Variants in GRIN2A observed in about 807,000 individuals in gnomAD.
GRIN2A encodes glutamate ionotropic receptor NMDA type subunit 2A, also known as glutamate receptor ionotropic, NMDA 2A.
A neutral mutation model predicts 113.4 loss-of-function variants in GRIN2A; 22 were observed. The observed-to-expected ratio is 0.19, with a 90% CI of 0.14 to 0.28. The LOEUF (loss-of-function observed/expected upper bound fraction) is 0.28. GRIN2A is among the 10% of genes least tolerant of loss of function. GRIN2A has a pLI of 1.00. For missense variants in GRIN2A, 1,502 were observed against 1,887.0 expected (o/e 0.80, Z 3.78); for synonymous variants, 827 against 738.4 (o/e 1.12, Z -1.94).
At chr16:9,865,450 G>A (rs895724087) in intron 4 of GRIN2A, among the ~76,000 whole-genome samples, 3 of 152,094 alleles carry the variant, frequency 2.0e-5, no homozygotes, top group African/African-American at 7.2e-5. Flanking sequence ...TTAATATAGT[G>A]GCAAACACAG....
At chr16:10,098,223 G>C (rs560766401) in intron 2 of GRIN2A, among the ~76,000 whole-genome samples, 4 of 152,128 alleles carry the variant, frequency 2.6e-5, no homozygotes, top group African/African-American at 7.2e-5. Context: ...CATCAGTAAT[G>C]ATCAGGGAAA....
At chr16:9,992,855 T>C (rs546808304) in intron 2 of GRIN2A, among the ~76,000 whole-genome samples, 2 of 152,244 alleles carry the variant, frequency 1.3e-5, no homozygotes, top group South Asian at 4.1e-4. Context: ...ATTATCTCCT[T>C]CTCAGTCTTG....
Position 9,762,987 on chromosome 16 carries a change from T to C in GRIN2A, c.*162A>G. The C allele has an allele frequency of 1.4e-6, 1 of 692,072 alleles. No individual in the cohort carries two copies. Among genetic ancestry groups the C allele is most frequent in the South Asian group, 1.8e-5 (1 of 54,674 alleles). The allele number at this position is 692,072 out of a possible 1,614,324, so 42.9% of individuals were successfully genotyped here. On this transcript the variant is annotated 3_prime_UTR_variant, in exon 13 of 13. Transcript: ENST00000330684. ...ACAAGATTCCTTGAGTGGAAGATTA[T>C]GGCATGAAGCCGTGTGCAAAAGAGC...
chr16:9,764,449 G>C lies in GRIN2A; in HGVS notation c.3095C>G (p.Ser1032Cys), dbSNP rs2141134909. The C allele has an allele frequency of 6.2e-7, 1 of 1,614,116 alleles. No individual in the cohort carries two copies. The highest frequency in any genetic ancestry group is 8.5e-7 in the Non-Finnish European group (1 of 1,180,016). ...CTCTGCTGTTGCCTCATCCCTCTGG[G>C]AGACTGGATTCTGGGATAGTGAATC... ...RQDSLSQNPV[S>C]QRDEATAENR... The change falls in exon 13 of 13, where the codon TCC becomes TGC. Residue 1032 changes from serine to cysteine, a missense_variant. Ser to Cys is a moderately radical substitution (Grantham distance 112). Around this residue, in one of 7 missense-constraint regions of GRIN2A, gnomAD observed 832 missense variants for 789.7 expected, o/e 1.05. Transcript: ENST00000330684.
chr16:9,875,234 TA>T (rs1300330700), intron 4 of GRIN2A, among the ~76,000 whole-genome samples: 8 of 152,046 alleles, frequency 5.3e-5, no homozygotes, highest in South Asian at 2.1e-4. Flanking sequence ...ATCATCATCA[TA>T]TTTTTTTTAT....
At chr16:10,174,223 T>C (rs1220792893) in intron 2 of GRIN2A, among the ~76,000 whole-genome samples, 1 of 152,084 alleles carries the variant, frequency 6.6e-6, no homozygotes, top group Non-Finnish European at 1.5e-5. Flanking sequence ...CCACCATTAG[T>C]CACAGCCAAA....
At chr16:9,805,422 G>A (rs1361613301) in intron 10 of GRIN2A, 1 of 152,190 alleles carries the variant, frequency 6.6e-6, no homozygotes, top group East Asian at 1.9e-4. Flanking sequence ...GAGTGTGTGT[G>A]TGTGTTACTG....
chr16:9,823,429 A>T (rs2042326317), intron 9 of GRIN2A, among the ~76,000 whole-genome samples: 2 of 152,168 alleles, frequency 1.3e-5, no homozygotes, highest in Admixed American at 1.3e-4. Context: ...CTCAACATAC[A>T]TTTGTCAAGT....
intron 2 of GRIN2A, among the ~76,000 whole-genome samples, chr16:10,038,817 C>T (rs1374499532): frequency 6.6e-6 from 1 of 150,922 alleles, no homozygotes; most frequent in African/African-American, 2.4e-5. Flanking sequence ...CACTGCACTC[C>T]AGCCTGGGCG....
intron 2 of GRIN2A, chr16:10,121,557 A>G (rs2352756): frequency 0.94 from 142,180 of 152,034 alleles, 67,245 homozygotes; most frequent in East Asian, 1. Flanking sequence ...CAAAGTCACA[A>G]AGGCATGAGC....
intron 2 of GRIN2A, among the ~76,000 whole-genome samples, chr16:10,087,774 C>G (rs988985528): frequency 2.6e-5 from 4 of 152,046 alleles, no homozygotes; most frequent in African/African-American, 9.7e-5. Context: ...ATTGCAGCCT[C>G]CATCGGGGCT....
chr16:9,975,843 A>C (rs764162916), intron 2 of GRIN2A, among the ~76,000 whole-genome samples: 6 of 152,238 alleles, frequency 3.9e-5, no homozygotes, highest in Non-Finnish European at 8.8e-5. Context: ...ACACACAACC[A>C]GAAAATGTTA....
chr16:9,959,241 T>C (rs943521068), intron 2 of GRIN2A, among the ~76,000 whole-genome samples: 19 of 152,196 alleles, frequency 1.2e-4, no homozygotes, highest in African/African-American at 4.6e-4. Context: ...CACAGCCCTC[T>C]TGAAAACATC....
intron 4 of GRIN2A, among the ~76,000 whole-genome samples, chr16:9,869,798 G>A (rs2043224419): frequency 6.6e-6 from 1 of 152,164 alleles, no homozygotes; most frequent in Non-Finnish European, 1.5e-5. Context: ...TTATATACAG[G>A]GATCTTAGAA....
intron 2 of GRIN2A, among the ~76,000 whole-genome samples, chr16:10,025,306 T>A (rs1318120556): frequency 6.9e-6 from 1 of 145,190 alleles, no homozygotes; most frequent in Non-Finnish European, 1.5e-5. Flanking sequence ...TTTTTTTTTT[T>A]TTTTTTTTTT....
chr16:9,917,299 A>G (rs1488531728), intron 3 of GRIN2A, among the ~76,000 whole-genome samples: 1 of 152,174 alleles, frequency 6.6e-6, no homozygotes, highest in African/African-American at 2.4e-5. Flanking sequence ...TTTTGTTTAA[A>G]TTCCCTATGA....
chr16:10,132,756 A>G (rs2049093515), intron 2 of GRIN2A, among the ~76,000 whole-genome samples: 1 of 152,214 alleles, frequency 6.6e-6, no homozygotes, highest in South Asian at 2.1e-4. Flanking sequence ...ACGTCTAAGC[A>G]GTGTAGCAGA....
chr16:10,139,888 C>T lies in GRIN2A; in HGVS notation c.414+40110G>A, dbSNP rs566894923. Among the ~76,000 whole-genome samples, 13 of 152,124 alleles carry T rather than the reference C, an allele frequency of 8.5e-5. No homozygotes were observed. In the South Asian group the frequency reaches 1.5e-3, roughly 17 times the overall value. The stretch of plus-strand genomic sequence containing the variant: ...TATCCCCCAGGCTGGAGCACAGTGG[C>T]GCAATCTTGGCTCCCTGCAACCTCC... On this transcript the variant is annotated intron_variant, in intron 2 of 12. Transcript: ENST00000330684.
At chr16:10,131,193 C>T (rs11644511) in intron 2 of GRIN2A, among the ~76,000 whole-genome samples, 2 of 151,918 alleles carry the variant, frequency 1.3e-5, no homozygotes, top group East Asian at 1.9e-4. Context: ...TGTGGGTGAT[C>T]GATAAATATT....
Sources: gnomAD v4.1 joint callset for allele counts (sites outside exome capture counted in the v4.1 genomes callset) on GRCh38, gnomAD v4.1.1 for gene constraint, gnomAD v4.1.1 regional missense constraint, MANE v1.5 for transcripts, NCBI Gene and HGNC (gene_info 2026-07-23, HGNC 2026-07-21) for gene names.